Variants in MEGF11 observed in about 807,000 individuals in gnomAD.
MEGF11 encodes the protein multiple epidermal growth factor-like domains protein 11.
MEGF11 carries 126 observed loss-of-function variants against 146.6 expected under a neutral mutation model. That is an observed-to-expected ratio of 0.86 (90% CI 0.74 to 1.00). The LOEUF is 1.00. Among genes scored for constraint, MEGF11 ranks in the 50% least tolerant of loss-of-function variants. The probability of loss-of-function intolerance (pLI) is 0.00; values close to 1 mark genes in which losing one functional copy is unlikely to be tolerated. For synonymous variants in MEGF11, 532 were observed against 583.4 expected, an observed-to-expected ratio of 0.91 and a Z score of 1.27; for missense variants, 1,509 against 1,521.2, an observed-to-expected ratio of 0.99 and a Z score of 0.13.
At chr15:66,247,636 G>A (rs117825443) in intron 1 of MEGF11, among the ~76,000 whole-genome samples, 2,226 of 152,260 alleles carry the variant, frequency 0.015, 24 homozygotes, top group Middle Eastern at 0.037. Context: ...ATCTACTCAG[G>A]AGGCTGAAAC....
At chr15:66,182,131 G>T (rs903633993) in intron 1 of MEGF11, among the ~76,000 whole-genome samples, 1 of 152,172 alleles carries the variant, frequency 6.6e-6, no homozygotes, top group Non-Finnish European at 1.5e-5. Flanking sequence ...GACAACAGCA[G>T]GTGGAATAGG....
intron 1 of MEGF11, among the ~76,000 whole-genome samples, chr15:66,215,227 G>A (rs973116117): frequency 1.5e-4 from 23 of 152,018 alleles, no homozygotes; most frequent in Non-Finnish European, 7.4e-5. Context: ...CTCAGCCATC[G>A]CTTTGTATCT....
At chr15:66,157,066 T>C (rs2089785547) in intron 1 of MEGF11, among the ~76,000 whole-genome samples, 1 of 151,682 alleles carries the variant, frequency 6.6e-6, no homozygotes, top group Non-Finnish European at 1.5e-5. Flanking sequence ...GGCTTATGAC[T>C]CTCCAGCTGT....
intron 1 of MEGF11, among the ~76,000 whole-genome samples, chr15:66,150,087 C>A (rs2089508217): frequency 6.6e-6 from 1 of 152,222 alleles, no homozygotes; most frequent in Admixed American, 6.5e-5. Context: ...CTGGGAGAAG[C>A]AGCCCCCACA....
chr15:66,100,376 A>T (rs28526644), intron 4 of MEGF11, among the ~76,000 whole-genome samples: 4,364 of 152,202 alleles, frequency 0.029, 193 homozygotes, highest in African/African-American at 0.096. Context: ...CCGGCACCCC[A>T]TAGAGAGCTG....
intron 1 of MEGF11, among the ~76,000 whole-genome samples, chr15:66,199,991 A>T (rs56335924): frequency 0.015 from 2,360 of 152,398 alleles, 54 homozygotes; most frequent in African/African-American, 0.054. Flanking sequence ...ACCTTATAAT[A>T]ACATTAGGAA....
chr15:66,193,528 T>C (rs2090933854), intron 1 of MEGF11, among the ~76,000 whole-genome samples: 1 of 152,212 alleles, frequency 6.6e-6, no homozygotes, highest in Admixed American at 6.5e-5. Flanking sequence ...ACATTTACAG[T>C]TAACTCATGA....
At position 66,230,615 on chromosome 15, in the gene MEGF11, A is replaced by G. The variant is rs145243947; in HGVS notation, c.-9+22990T>C. Among the ~76,000 whole-genome samples, 848 of 152,354 alleles carry G rather than the reference A, an allele frequency of 5.6e-3. 10 individuals carry two copies. The highest frequency in any genetic ancestry group is 0.019 in the African/African-American group (807 of 41,576). On this transcript the variant is annotated intron_variant, in intron 1 of 25. Coordinates refer to ENST00000395614, the MANE Select transcript of MEGF11 (RefSeq NM_001385028.1). Reference sequence around the variant, plus strand: ...TTTCTATAGCACTTTGAAGTTTGCAAGGCACTTTCATAGACTTAATTTCAC... The same window carrying G: ...TTTCTATAGCACTTTGAAGTTTGCAGGGCACTTTCATAGACTTAATTTCAC...
chr15:66,156,070 C>T (rs1392569498), intron 1 of MEGF11, among the ~76,000 whole-genome samples: 2 of 152,142 alleles, frequency 1.3e-5, no homozygotes, highest in African/African-American at 4.8e-5. Context: ...GTCTCGATGG[C>T]CACACCTGCA....
At chr15:66,200,894 T>C (rs1386781101) in intron 1 of MEGF11, among the ~76,000 whole-genome samples, 3 of 152,070 alleles carry the variant, frequency 2.0e-5, no homozygotes, top group East Asian at 1.9e-4. Flanking sequence ...GAGGTCAGGT[T>C]GTCCCTAGAG....
intron 9 of MEGF11, among the ~76,000 whole-genome samples, chr15:65,961,428 C>T (rs2080853990): frequency 6.6e-6 from 1 of 152,342 alleles, no homozygotes. Context: ...AATGCTGCAT[C>T]TGTTGGCTAA....
chr15:65,917,972 A>T lies in MEGF11; in HGVS notation c.2080T>A (p.Ser694Thr), dbSNP rs768046674. 1.1e-5 allele frequency: 17 copies of T among 1,613,878 alleles called. No individual in the cohort carries two copies. The African/African-American group carries it at 1.7e-4, about 16-fold the overall frequency. Residue 694 changes from serine (S) to threonine (T), a missense_variant, in exon 16 of 26, where the codon TCA (serine) becomes ACA (threonine). Ser to Thr is a moderately conservative substitution (Grantham distance 58). Transcript: ENST00000395614. ...CCAGGTGGCAGCAGCTTACCCTGTG[A>T]GCAGTCCTTGCCAATCCATCCAGGA... is the stretch of plus-strand genomic sequence containing the variant. ...CFPGWIGKDCSQACPPGFWGP... is the reference protein window; with the variant it reads ...CFPGWIGKDCTQACPPGFWGP...
At chr15:66,000,085 G>A (rs913629093) in intron 5 of MEGF11, among the ~76,000 whole-genome samples, 5 of 152,218 alleles carry the variant, frequency 3.3e-5, no homozygotes, top group Admixed American at 6.5e-5. Context: ...CGGAAGCCAG[G>A]GCATTTATCC....
At position 65,913,839 on chromosome 15, in the gene MEGF11, C is replaced by CA; in HGVS notation, c.2607dup (p.Ala870CysfsTer40). The CA allele has an allele frequency of 6.2e-7, 1 of 1,613,966 alleles. No homozygotes were observed. Among genetic ancestry groups the CA allele is most frequent in the South Asian group, 1.1e-5 (1 of 91,084 alleles). ...TCTTTCTGCCGCCGCCGATGCCAGG[C>CA]AAATAGGCCCAGCAGCACCACAATG... On this transcript the variant is annotated frameshift_variant, in exon 20 of 26. Coordinates refer to ENST00000395614, the MANE Select transcript of MEGF11 (RefSeq NM_001385028.1). LOFTEE classifies it high-confidence loss of function.
In MEGF11 at chr15:66,207,920, T is replaced by TA. The variant is rs529334731; in HGVS notation, c.-9+45684dup. 7.4e-4 allele frequency among the ~76,000 whole-genome samples: 112 copies of TA among 151,550 alleles called. No individual in the cohort carries two copies. In the South Asian group the frequency reaches 9.6e-3, roughly 13 times the overall value. On this transcript the variant is annotated intron_variant, in intron 1 of 25. Coordinates refer to ENST00000395614, the MANE Select transcript of MEGF11 (RefSeq NM_001385028.1). ...CAACATGGCAAAACCCTGTCTCTAC[T>TA]AAAAAAAATACAAAAATTAGCCAGG...
At chr15:66,165,562 C>T (rs567921635) in intron 1 of MEGF11, among the ~76,000 whole-genome samples, 1 of 152,336 alleles carries the variant, frequency 6.6e-6, no homozygotes, top group Non-Finnish European at 1.5e-5. Context: ...CCCCAGCTCT[C>T]GCCCCAAGTC....
intron 5 of MEGF11, among the ~76,000 whole-genome samples, chr15:66,011,677 G>A (rs779719806): frequency 2.6e-4 from 40 of 151,728 alleles, no homozygotes; most frequent in Non-Finnish European, 4.9e-4. Flanking sequence ...TGCATGTAGC[G>A]CCCACAGTGC....
intron 1 of MEGF11, among the ~76,000 whole-genome samples, chr15:66,151,383 C>A (rs1465450607): frequency 6.6e-6 from 1 of 152,152 alleles, no homozygotes; most frequent in Non-Finnish European, 1.5e-5. Context: ...ACAGTGCACC[C>A]AAGGGAAGGT....
intron 5 of MEGF11, among the ~76,000 whole-genome samples, chr15:66,019,811 G>A (rs333610): frequency 0.98 from 149,162 of 152,340 alleles, 73,124 homozygotes; most frequent in Middle Eastern, 1. Flanking sequence ...CATCACTTAT[G>A]CCATCCTTCC....
Sources: gnomAD v4.1 joint callset for allele counts (sites outside exome capture counted in the v4.1 genomes callset) on GRCh38, gnomAD v4.1.1 for gene constraint, MANE v1.5 for transcripts, NCBI Gene and HGNC (gene_info 2026-07-23, HGNC 2026-07-21) for gene names.